PLXND1: variants seen among roughly 807,000 people sequenced by gnomAD.
PLXND1 encodes the protein plexin-D1.
A neutral mutation model predicts 197.7 loss-of-function variants in PLXND1; 54 were observed. The ratio of observed to expected loss-of-function variants is 0.27; its 90% confidence interval spans 0.22 to 0.34. The LOEUF (loss-of-function observed/expected upper bound fraction) is 0.34. PLXND1 is among the 10% of genes least tolerant of loss of function. The probability of loss-of-function intolerance (pLI) is 1.00; values close to 1 mark genes in which losing one functional copy is unlikely to be tolerated. For missense variants in PLXND1, 2,127 were observed against 2,699.2 expected (o/e 0.79, Z 4.70); for synonymous variants, 1,180 against 1,161.2 (o/e 1.02, Z -0.33).
intron 1 of PLXND1, among the ~76,000 whole-genome samples, chr3:129,594,789 G>A (rs754933146): frequency 2.3e-4 from 35 of 152,062 alleles, no homozygotes; most frequent in Non-Finnish European, 4.7e-4. Context: ...ACTAGGGGAC[G>A]GGTATACAGG....
rs763974908 is a variant in PLXND1, at chr3:129,555,477, C to T, written c.*835G>A. The T allele has an allele frequency of 1.5e-6, 1 of 681,808 alleles. No homozygotes were observed. Among genetic ancestry groups the T allele is most frequent in the South Asian group, 1.6e-5 (1 of 63,642 alleles). The allele number at this position is 681,808 out of a possible 1,614,324, so 42.2% of individuals were successfully genotyped here. A position where few individuals can be genotyped will look rare whatever the true frequency, so the allele number is the denominator to read the frequency against. The stretch of plus-strand genomic sequence containing the variant: ...ATGGGGAGCCTCTCGGGACCCCTCC[C>T]CGGGTCCTCTGCGCAAGCGGCAGCT... On this transcript the variant is annotated 3_prime_UTR_variant, in exon 36 of 36. Transcript: ENST00000324093.
Position 129,606,430 on chromosome 3 carries a change from G to C in PLXND1, c.210C>G (p.Thr70=). The part of the protein sequence containing the change: ...NNFALDGAAG[T]VYLAAVNRLY... ...GGCGGTTGACGGCCGCCAGGTACAC[G>C]GTCCCCGCCGCGCCGTCCAGGGCGA... Residue 70 remains threonine, a synonymous_variant, in exon 1 of 36, where the codon ACC becomes ACG. Transcript: ENST00000324093. The C allele has an allele frequency of 6.1e-6, 9 of 1,480,178 alleles. No individual in the cohort carries two copies. The highest frequency in any genetic ancestry group is 8.0e-6 in the Non-Finnish European group (9 of 1,122,044). 91.7% of individuals were successfully genotyped at this position (1,480,178 alleles called of 1,614,324 possible). A position where few individuals can be genotyped will look rare whatever the true frequency, so the allele number is the denominator to read the frequency against.
chr3:129,564,335 A>G (rs777314354), intron 25 of PLXND1, among the ~76,000 whole-genome samples: 15 of 152,230 alleles, frequency 9.9e-5, no homozygotes, highest in Non-Finnish European at 1.9e-4. Flanking sequence ...GGGCTGTGCC[A>G]AAGATTGGAC....
intron 5 of PLXND1, 54 bp downstream of exon 5, chr3:129,585,898 T>C (rs2085451699): frequency 8.1e-6 from 13 of 1,608,784 alleles, no homozygotes; most frequent in Non-Finnish European, 1.0e-5. Flanking sequence ...GGGTGCTGGG[T>C]GAAGGGAGGC....
At chr3:129,566,075 A>G in intron 23 of PLXND1, 58 bp from the exon 24 acceptor site, 1 of 1,597,790 alleles carries the variant, frequency 6.3e-7, no homozygotes, top group Non-Finnish European at 8.6e-7. Flanking sequence ...TGCCTAGCCT[A>G]ACAGCCAGTG....
At chr3:129,589,615 C>A (rs1005644187) in intron 1 of PLXND1, 88 bp from the exon 2 acceptor site, 6 of 1,168,076 alleles carry the variant, frequency 5.1e-6, no homozygotes, top group Non-Finnish European at 7.2e-6. Flanking sequence ...CAGGCCCTGG[C>A]ATCAGAGCTT....
chr3:129,571,932 G>T, intron 15 of PLXND1, 88 bp from the exon 16 acceptor site: 1 of 1,314,050 alleles, frequency 7.6e-7, no homozygotes, highest in Non-Finnish European at 1.0e-6. Flanking sequence ...ACAAGTCCAC[G>T]CACTTGGCCT....
chr3:129,570,958 T>C, intron 18 of PLXND1, 23 bp from the exon 19 acceptor site: 4 of 1,614,050 alleles, frequency 2.5e-6, no homozygotes, highest in Non-Finnish European at 3.4e-6. Context: ...AGGGGGAGGA[T>C]GCTCATGGGG....
rs763984090 is a variant in PLXND1, at chr3:129,571,148, C to G, written c.3492G>C (p.Arg1164=). ...EELLDPEEAQ[R]GSRFRLDYLP... is the part of the protein sequence containing the mutation. The stretch of plus-strand genomic sequence containing the variant: ...GGTAGTCCAGGCGGAACCTGCTGCC[C>G]CGCTGTGCCTCCTCGGGGTCCAGTA... The change falls in exon 18 of 36, where the codon CGG becomes CGC. Residue 1164 remains arginine, a synonymous_variant. Transcript: ENST00000324093. 1.9e-6 allele frequency: 3 copies of G among 1,614,112 alleles called. No individual in the cohort carries two copies. In the Admixed American group the frequency reaches 5.0e-5, roughly 27 times the overall value.
intron 5 of PLXND1, among the ~76,000 whole-genome samples, chr3:129,584,898 G>C (rs2085438057): frequency 6.6e-6 from 1 of 152,086 alleles, no homozygotes. Flanking sequence ...CCTCCACCCA[G>C]ACGCTCTTTC....
chr3:129,565,236 T>G (rs922497925), intron 25 of PLXND1, 104 bp downstream of exon 25: 6 of 901,892 alleles, frequency 6.7e-6, no homozygotes, highest in Non-Finnish European at 1.1e-5. Context: ...CTGGCAGAGC[T>G]GGCCTGAGGG....
rs376182901 is a variant in PLXND1 at position 129,583,549 on chromosome 3, C to A, written c.2241+18G>T. The A allele has an allele frequency of 2.6e-6, 4 of 1,551,522 alleles. No individual in the cohort carries two copies. In the African/African-American group the frequency reaches 4.1e-5, roughly 16 times the overall value. Reference sequence around the variant, plus strand: ...TAATGAAACAGCAGAGGCGGAGGGGCCCCCTAGCCTGGCTTACCGTGGGGT... The same window carrying A: ...TAATGAAACAGCAGAGGCGGAGGGGACCCCTAGCCTGGCTTACCGTGGGGT... On this transcript the variant is annotated intron_variant, in intron 8 of 35. Coordinates refer to ENST00000324093, the MANE Select transcript of PLXND1 (RefSeq NM_015103.3).
At chr3:129,564,541 C>G (rs2085110611) in intron 25 of PLXND1, among the ~76,000 whole-genome samples, 1 of 152,230 alleles carries the variant, frequency 6.6e-6, no homozygotes, top group Non-Finnish European at 1.5e-5. Context: ...TCCAGGCAGG[C>G]CTTTGCCTTT....
In PLXND1 at chr3:129,598,473, G is replaced by A. The variant is rs143999434; in HGVS notation, c.1311+6856C>T. Reference sequence around the variant, plus strand: ...CCACCCAGAGCTTGGACGGGCATGCGATGTTACCAAGGAGGTGCTGGCCTC... The same window carrying A: ...CCACCCAGAGCTTGGACGGGCATGCAATGTTACCAAGGAGGTGCTGGCCTC... On this transcript the variant is annotated intron_variant, in intron 1 of 35. Coordinates refer to ENST00000324093, the MANE Select transcript of PLXND1 (RefSeq NM_015103.3). Among the ~76,000 whole-genome samples the A allele has an allele frequency of 1.7e-3, 266 of 152,178 alleles. 1 individual carries two copies. The highest frequency in any genetic ancestry group is 0.013 in the South Asian group (62 of 4,806).
At position 129,577,756 on chromosome 3, in the gene PLXND1, AG is replaced by A. The variant is rs1252960091; in HGVS notation, c.2346+572del. On this transcript the variant is annotated intron_variant, in intron 9 of 35. Transcript: ENST00000324093. The surrounding 1 kb of genome is among the most constrained non-coding windows in gnomAD (Gnocchi z 5.0). ...CAGCCCAGATGGTGGGGGCGGGGCT[AG>A]TTGCAAAGACGAGCACTGGTTGGGG... Among the ~76,000 whole-genome samples the A allele has an allele frequency of 5.9e-5, 9 of 152,186 alleles. No individual in the cohort carries two copies. Among genetic ancestry groups the A allele is most frequent in the Non-Finnish European group, 1.2e-4 (8 of 68,018 alleles).
chr3:129,603,337 G>T (rs1030526635), intron 1 of PLXND1, among the ~76,000 whole-genome samples: 1 of 152,238 alleles, frequency 6.6e-6, no homozygotes, highest in African/African-American at 2.4e-5. Context: ...CACCGAGGGA[G>T]CGGACCGTGG....
chr3:129,572,736 G>A lies in PLXND1; in HGVS notation c.2950C>T (p.His984Tyr). Residue 984 changes from histidine (H) to tyrosine (Y), a missense_variant, in exon 15 of 36, where the codon CAC becomes TAC. Physicochemically the swap from His to Tyr is moderately conservative, Grantham distance 83. This residue lies in a region of PLXND1 where 1,095 missense variants were observed against 1,259.8 expected (regional missense o/e 0.87). Coordinates refer to ENST00000324093, the MANE Select transcript of PLXND1 (RefSeq NM_015103.3). ...DRFSYVLPLV[H>Y]SLEPTMGPKA... ...GGGCCCATGGTAGGCTCCAGGGAGTGGACCAGGGGCAGCTGTGGGAGGAAG... is the reference window on the plus strand; with the variant it reads ...GGGCCCATGGTAGGCTCCAGGGAGTAGACCAGGGGCAGCTGTGGGAGGAAG... The A allele has an allele frequency of 5.6e-6, 9 of 1,598,426 alleles. No individual in the cohort carries two copies. The highest frequency in any genetic ancestry group is 3.4e-5 in the South Asian group (3 of 89,140).
intron 8 of PLXND1, among the ~76,000 whole-genome samples, chr3:129,581,984 C>T (rs937017532): frequency 1.3e-5 from 2 of 152,234 alleles, no homozygotes; most frequent in African/African-American, 4.8e-5. Flanking sequence ...ATGGGGTCCC[C>T]AGACAGGAGC....
chr3:129,574,704 C>T (rs912642246), intron 11 of PLXND1, among the ~76,000 whole-genome samples: 10 of 152,210 alleles, frequency 6.6e-5, no homozygotes, highest in African/African-American at 2.4e-4. Flanking sequence ...AGTGCAGCCC[C>T]TGCTTCATTG....
Sources: gnomAD v4.1 joint callset for allele counts (sites outside exome capture counted in the v4.1 genomes callset) on GRCh38, gnomAD v4.1.1 for gene constraint, gnomAD v4.1.1 regional missense constraint, Gnocchi (gnomAD v3.1) non-coding constraint, MANE v1.5 for transcripts, NCBI Gene and HGNC (gene_info 2026-07-23, HGNC 2026-07-21) for gene names.